The following KCND2 variants were observed in gnomAD, a reference collection of about 807,000 sequenced individuals.
The protein encoded by KCND2 is potassium voltage-gated channel subfamily D member 2, also known as A-type voltage-gated potassium channel KCND2.
Under a neutral mutation model 54.4 loss-of-function variants are expected in KCND2, and 16 were observed. The observed-to-expected ratio is 0.29, with a 90% CI of 0.20 to 0.45. The LOEUF (loss-of-function observed/expected upper bound fraction) is 0.45. KCND2 is among the 20% of genes least tolerant of loss of function. KCND2 has a pLI of 1.00. For missense variants in KCND2, 486 were observed against 824.2 expected (o/e 0.59, Z 5.02); for synonymous variants, 317 against 310.7 (o/e 1.02, Z -0.21).
chr7:120,747,972 G>A lies in KCND2; in HGVS notation c.*114G>A, dbSNP rs1793027102. 1 of 872,616 alleles carries A rather than the reference G, an allele frequency of 1.1e-6. No individual in the cohort carries two copies. The highest frequency in any genetic ancestry group is 1.7e-5 in the African/African-American group (1 of 58,794). The allele number at this position is 872,616 out of a possible 1,614,324, so 54.1% of individuals were successfully genotyped here. On this transcript the variant is annotated 3_prime_UTR_variant, in exon 6 of 6. Coordinates refer to ENST00000331113, the MANE Select transcript of KCND2 (RefSeq NM_012281.3). Reference sequence around the variant, plus strand: ...CAGATTAATGCAGCAAAGAAAGAAGGTTGGTAGTGAAACACAAAGCTTCCA... The same window carrying A: ...CAGATTAATGCAGCAAAGAAAGAAGATTGGTAGTGAAACACAAAGCTTCCA...
intron 1 of KCND2, among the ~76,000 whole-genome samples, chr7:120,510,311 G>T (rs1237644330): frequency 1.3e-5 from 2 of 152,084 alleles, no homozygotes; most frequent in Non-Finnish European, 1.5e-5. Flanking sequence ...TAGAGAAGAA[G>T]AAACTGACTC....
intron 1 of KCND2, among the ~76,000 whole-genome samples, chr7:120,576,489 C>T (rs552915850): frequency 2.0e-4 from 31 of 151,434 alleles, no homozygotes; most frequent in African/African-American, 7.0e-4. Flanking sequence ...TTGATTATCT[C>T]TAATTATTTC....
At chr7:120,636,705 G>A (rs1209866124) in intron 1 of KCND2, among the ~76,000 whole-genome samples, 2 of 152,086 alleles carry the variant, frequency 1.3e-5, no homozygotes, top group Non-Finnish European at 2.9e-5. Flanking sequence ...GTGAAAGTAT[G>A]CACTGAAGAG....
At chr7:120,409,480 C>G (rs781449684) in intron 1 of KCND2, among the ~76,000 whole-genome samples, 45 of 151,778 alleles carry the variant, frequency 3.0e-4, no homozygotes, top group South Asian at 8.3e-4. Context: ...AACCACTTTC[C>G]CAAATTTTTT....
chr7:120,434,136 G>A (rs1801832733), intron 1 of KCND2, among the ~76,000 whole-genome samples: 2 of 152,132 alleles, frequency 1.3e-5, no homozygotes, highest in South Asian at 4.1e-4. Context: ...GAATTAAGAA[G>A]CACTGGTGAA....
At chr7:120,358,019 T>C (rs560876650) in intron 1 of KCND2, among the ~76,000 whole-genome samples, 2 of 152,146 alleles carry the variant, frequency 1.3e-5, no homozygotes, top group African/African-American at 2.4e-5. Context: ...GAAGGTATTA[T>C]GGGTGTTCAG....
At chr7:120,419,098 C>A (rs1263190812) in intron 1 of KCND2, among the ~76,000 whole-genome samples, 1 of 152,046 alleles carries the variant, frequency 6.6e-6, no homozygotes, top group Non-Finnish European at 1.5e-5. Flanking sequence ...ATGAGCAAAT[C>A]TCTGCATTTA....
At chr7:120,401,710 G>A (rs564048370) in intron 1 of KCND2, among the ~76,000 whole-genome samples, 1 of 152,226 alleles carries the variant, frequency 6.6e-6, no homozygotes, top group South Asian at 2.1e-4. Flanking sequence ...CTCATCTGTT[G>A]TCTTAGTAGC....
chr7:120,507,475 T>G (rs1185586494), intron 1 of KCND2, among the ~76,000 whole-genome samples: 1 of 151,902 alleles, frequency 6.6e-6, no homozygotes, highest in African/African-American at 2.4e-5. Flanking sequence ...AAGGGATAGA[T>G]TTCTGGCAAA....
At chr7:120,706,376 G>A (rs950188505) in intron 1 of KCND2, among the ~76,000 whole-genome samples, 1 of 152,154 alleles carries the variant, frequency 6.6e-6, no homozygotes, top group Non-Finnish European at 1.5e-5. Flanking sequence ...CTCAGTTCTG[G>A]ATGCTGGGAA....
rs961298918 is a variant in KCND2, at chr7:120,707,914, A to G, written c.1116-24989A>G. Among the ~76,000 whole-genome samples, 110 of 152,216 alleles carry G rather than the reference A, an allele frequency of 7.2e-4. 3 individuals carry two copies. The highest frequency in any genetic ancestry group is 2.5e-3 in the African/African-American group (104 of 41,566). On this transcript the variant is annotated intron_variant, in intron 1 of 5. Transcript: ENST00000331113. ...CTCCATTTGCTAGCCTTTCCTGGGT[A>G]CCTCCTCTGCTTCAGCAAGAAACTA...
chr7:120,351,362 G>A (rs111352204), intron 1 of KCND2, among the ~76,000 whole-genome samples: 9 of 84,608 alleles, frequency 1.1e-4, no homozygotes, highest in African/African-American at 4.9e-4. Context: ...AAATCGAAGA[G>A]CATACACACA....
At chr7:120,573,476 A>T in intron 1 of KCND2, among the ~76,000 whole-genome samples, 1 of 152,186 alleles carries the variant, frequency 6.6e-6, no homozygotes. Flanking sequence ...TAGCCCTGAA[A>T]CAAGTGTTTC....
At chr7:120,345,475 C>T (rs1020858461) in intron 1 of KCND2, among the ~76,000 whole-genome samples, 16 of 152,152 alleles carry the variant, frequency 1.1e-4, no homozygotes, top group Admixed American at 7.9e-4. Flanking sequence ...CATTGATGTG[C>T]AACCGACCTC....
intron 1 of KCND2, among the ~76,000 whole-genome samples, chr7:120,420,622 G>A (rs1241723560): frequency 6.6e-6 from 1 of 152,134 alleles, no homozygotes; most frequent in East Asian, 1.9e-4. Context: ...GGAGTAGGGG[G>A]AAGGGGTGTC....
chr7:120,334,305 G>A (rs1369805625), intron 1 of KCND2, among the ~76,000 whole-genome samples: 1 of 152,152 alleles, frequency 6.6e-6, no homozygotes, highest in African/African-American at 2.4e-5. Context: ...GTATTAGAAA[G>A]GCTAGAACTA....
At chr7:120,356,755 A>G (rs1280401912) in intron 1 of KCND2, among the ~76,000 whole-genome samples, 2 of 152,112 alleles carry the variant, frequency 1.3e-5, no homozygotes, top group South Asian at 2.1e-4. Context: ...CTAAGGATCT[A>G]TTTCACAGAA....
intron 1 of KCND2, among the ~76,000 whole-genome samples, chr7:120,578,546 A>T (rs73439881): frequency 0.01 from 1,598 of 152,208 alleles, 33 homozygotes; most frequent in African/African-American, 0.037. Context: ...AGCCTAGCGA[A>T]CATGGTGAAA....
At chr7:120,681,510 G>C (rs1792139372) in intron 1 of KCND2, among the ~76,000 whole-genome samples, 1 of 151,692 alleles carries the variant, frequency 6.6e-6, no homozygotes, top group South Asian at 2.1e-4. Context: ...CTTAAAATGT[G>C]TCAGTAACAA....
Sources: gnomAD v4.1 joint callset for allele counts (sites outside exome capture counted in the v4.1 genomes callset) on GRCh38, gnomAD v4.1.1 for gene constraint, MANE v1.5 for transcripts, NCBI Gene and HGNC (gene_info 2026-07-23, HGNC 2026-07-21) for gene names.